Variants in GABRG1 observed in about 807,000 individuals in gnomAD.
GABRG1 encodes the protein gamma-aminobutyric acid receptor subunit gamma-1.
GABRG1 carries 49 observed loss-of-function variants against 49.8 expected under a neutral mutation model. The observed-to-expected ratio is 0.98, with a 90% CI of 0.78 to 1.25. The LOEUF is 1.25. Ranked by LOEUF, GABRG1 falls within the 50% of genes most tolerant of loss-of-function variation. The probability of loss-of-function intolerance (pLI) is 0.00; values close to 1 mark genes in which losing one functional copy is unlikely to be tolerated. For missense variants in GABRG1, 552 were observed against 552.3 expected (o/e 1.00, Z 0.01); for synonymous variants, 232 against 185.1 (o/e 1.25, Z -2.06).
At chr4:46,111,650 G>A (rs577658015) in intron 1 of GABRG1, among the ~76,000 whole-genome samples, 83 of 151,386 alleles carry the variant, frequency 5.5e-4, no homozygotes, top group African/African-American at 1.9e-3. Context: ...CAGACACATA[G>A]GCAAATGGAA....
At chr4:46,085,244 G>T (rs1434909899) in intron 2 of GABRG1, among the ~76,000 whole-genome samples, 1 of 151,394 alleles carries the variant, frequency 6.6e-6, no homozygotes, top group Non-Finnish European at 1.5e-5. Context: ...AATGTCAGAG[G>T]TTATAGATAT....
intron 2 of GABRG1, among the ~76,000 whole-genome samples, chr4:46,092,419 T>C (rs1335982411): frequency 6.6e-6 from 1 of 152,008 alleles, no homozygotes; most frequent in Non-Finnish European, 1.5e-5. Flanking sequence ...GTGCATATTT[T>C]ACTGACTAAA....
At chr4:46,090,162 C>T (rs778259087) in intron 2 of GABRG1, among the ~76,000 whole-genome samples, 29 of 151,982 alleles carry the variant, frequency 1.9e-4, no homozygotes, top group Non-Finnish European at 3.4e-4. Flanking sequence ...ACAAAAATTA[C>T]TTCAACAATT....
At position 46,037,007 on chromosome 4, in the gene GABRG1, G is replaced by A. The variant is rs1311954576; in HGVS notation, c.*3981C>T. ...CTTTTTTCAAGCTGTTTACCCAGTTGGAAATTGTGATCTCTCTCCCTCTTA... is the reference window on the plus strand; with the variant it reads ...CTTTTTTCAAGCTGTTTACCCAGTTAGAAATTGTGATCTCTCTCCCTCTTA... On this transcript the variant is annotated 3_prime_UTR_variant, in exon 9 of 9. Coordinates refer to ENST00000295452, the MANE Select transcript of GABRG1 (RefSeq NM_173536.4). The A allele has an allele frequency of 6.6e-6, 1 of 151,590 alleles. No individual in the cohort carries two copies. The highest frequency in any genetic ancestry group is 1.5e-5 in the Non-Finnish European group (1 of 67,818). The allele number at this position is 151,590 out of a possible 1,614,324, so 9.4% of individuals were successfully genotyped here.
At chr4:46,052,338 A>T (rs1441400796) in intron 7 of GABRG1, among the ~76,000 whole-genome samples, 1 of 151,930 alleles carries the variant, frequency 6.6e-6, no homozygotes, top group Admixed American at 6.6e-5. Context: ...TATACAGTCA[A>T]AATTAATCCA....
At chr4:46,071,849 TA>T (rs774891107) in intron 3 of GABRG1, among the ~76,000 whole-genome samples, 1 of 152,016 alleles carries the variant, frequency 6.6e-6, no homozygotes, top group African/African-American at 2.4e-5. Flanking sequence ...ATTTATAAAA[TA>T]AAAAATTCAG....
In GABRG1 at chr4:46,041,085, A is replaced by G; in HGVS notation, c.1301T>C (p.Ile434Thr). The change falls in exon 9 of 9, where the codon ATA becomes ACA. Residue 434 changes from isoleucine (I) to threonine (T), a missense_variant. Transcript: ENST00000295452. The stretch of plus-strand genomic sequence containing the variant: ...ATAAGAGTCAATTTTGGCAATGCGT[A>G]TGTGTATCCTTCCTTCCCTCCAAGA... ...TGSWREGRIH[I>T]RIAKIDSYSR... is the part of the protein sequence containing the mutation. The G allele has an allele frequency of 6.2e-7, 1 of 1,613,212 alleles. No individual in the cohort carries two copies.
chr4:46,051,704 T>C, intron 7 of GABRG1, 66 bp from the exon 8 acceptor site: 1 of 983,462 alleles, frequency 1.0e-6, no homozygotes, highest in Non-Finnish European at 1.5e-6. Flanking sequence ...TCCATCTGAT[T>C]TGGCAATATT....
At position 46,064,424 on chromosome 4, in the gene GABRG1, A is replaced by G. The variant is rs772367188; in HGVS notation, c.625+17T>C. On this transcript the variant is annotated intron_variant, in intron 5 of 8. Transcript: ENST00000295452. ...AGGTTAAAATTCTATGAAATTATCA[A>G]GTGTTTTGTTACTTACAGCTTGAAA... 2.3e-6 allele frequency: 3 copies of G among 1,332,250 alleles called. No individual in the cohort carries two copies. The highest frequency in any genetic ancestry group is 4.8e-5 in the Admixed American group (2 of 41,458). The allele number at this position is 1,332,250 out of a possible 1,614,324, so 82.5% of individuals were successfully genotyped here.
At chr4:46,046,870 A>C (rs1682717332) in intron 8 of GABRG1, among the ~76,000 whole-genome samples, 3 of 152,240 alleles carry the variant, frequency 2.0e-5, no homozygotes, top group Middle Eastern at 3.4e-3. Flanking sequence ...GAAATATACC[A>C]TCCTGCTTAA....
chr4:46,076,773 T>G (rs954656440), intron 3 of GABRG1, among the ~76,000 whole-genome samples: 11 of 151,744 alleles, frequency 7.2e-5, no homozygotes, highest in Non-Finnish European at 1.5e-4. Flanking sequence ...AATTCAAGAC[T>G]GTTTGCCTTG....
At chr4:46,074,280 C>T (rs1719245875) in intron 3 of GABRG1, among the ~76,000 whole-genome samples, 1 of 152,124 alleles carries the variant, frequency 6.6e-6, no homozygotes, top group African/African-American at 2.4e-5. Flanking sequence ...CAAGAGAGAA[C>T]ACTATATTTG....
chr4:46,082,376 C>T (rs1299848312), intron 3 of GABRG1, among the ~76,000 whole-genome samples: 1 of 151,580 alleles, frequency 6.6e-6, no homozygotes, highest in Admixed American at 6.6e-5. Flanking sequence ...ATCTCATCTT[C>T]TTCTAAGCCA....
rs770919258 is a variant in GABRG1, at chr4:46,065,510, C to A, written c.396G>T (p.Val132=). 4.3e-5 allele frequency: 69 copies of A among 1,604,556 alleles called. No individual in the cohort carries two copies. The highest frequency in any genetic ancestry group is 5.7e-5 in the Non-Finnish European group (67 of 1,171,794). ...CAACCATATTACTGTTAAGCATAAG[C>A]ACTTTCATGGTACTATTGAATTTTA... is the stretch of plus-strand genomic sequence containing the variant. ...SRLKFNSTMK[V]LMLNSNMVGK... The change falls in exon 4 of 9, where the codon GTG becomes GTT. Residue 132 remains valine, a synonymous_variant. Transcript: ENST00000295452.
Position 46,065,528 on chromosome 4 carries a change from G to A in GABRG1, c.378C>T (p.Phe126=), listed in dbSNP as rs865867398. The change falls in exon 4 of 9, where the codon TTC becomes TTT. Residue 126 remains phenylalanine (F), a synonymous_variant. Coordinates refer to ENST00000295452, the MANE Select transcript of GABRG1 (RefSeq NM_173536.4). The stretch of plus-strand genomic sequence containing the variant: ...GCATAAGCACTTTCATGGTACTATT[G>A]AATTTTAAACGACTGTCAAACCAGG... The part of the protein sequence containing the change: ...AQTWFDSRLK[F]NSTMKVLMLN... 6.3e-7 allele frequency: 1 copy of A among 1,579,690 alleles called. No homozygotes were observed.
rs1553884495 is a variant in GABRG1, at chr4:46,118,132, G to GTATATATATATATATATATATATA, written c.104+5677_104+5678insTATATATATATATATATATATATA. Among the ~76,000 whole-genome samples the GTATATATATATATATATATATATA allele has an allele frequency of 1.3e-4, 14 of 109,966 alleles. 1 individual carries two copies. Among genetic ancestry groups the GTATATATATATATATATATATATA allele is most frequent in the African/African-American group, 7.3e-4 (13 of 17,896 alleles). The allele number at this position is 109,966 out of a possible 152,430, so 72.1% of individuals were successfully genotyped here. A position where few individuals can be genotyped will look rare whatever the true frequency, so the allele number is the denominator to read the frequency against. ...TATATACATATATACGTGTGTGTGT[G>GTATATATATATATATATATATATA]TATATATATATATACAGCTACAGTA... On this transcript the variant is annotated intron_variant, in intron 1 of 8. Transcript: ENST00000295452.
At chr4:46,063,200 C>T (rs1394513898) in intron 5 of GABRG1, among the ~76,000 whole-genome samples, 10 of 152,024 alleles carry the variant, frequency 6.6e-5, no homozygotes, top group Non-Finnish European at 1.0e-4. Flanking sequence ...AAAAAAAGCC[C>T]GCATTGCCAA....
rs959469968 is a variant in GABRG1 at position 46,117,661 on chromosome 4, C to CGTATATAGCTGTATATATATACACAT, written c.104+6123_104+6148dup. Among the ~76,000 whole-genome samples the CGTATATAGCTGTATATATATACACAT allele has an allele frequency of 4.6e-5, 6 of 131,550 alleles. No individual in the cohort carries two copies. In the South Asian group the frequency reaches 1.4e-3, roughly 31 times the overall value. The allele number at this position is 131,550 out of a possible 152,430, so 86.3% of individuals were successfully genotyped here. A position where few individuals can be genotyped will look rare whatever the true frequency, so the allele number is the denominator to read the frequency against. ...ACATATATACATATATATGTATATA[C>CGTATATAGCTGTATATATATACACAT]GTATATAGCTGTATATATATACACA... On this transcript the variant is annotated intron_variant, in intron 1 of 8. Transcript: ENST00000295452.
chr4:46,064,380 T>G, intron 5 of GABRG1, 61 bp downstream of exon 5: 1 of 896,460 alleles, frequency 1.1e-6, no homozygotes. Flanking sequence ...TCTTTTCATT[T>G]TTAAATAAAC....
Sources: gnomAD v4.1 joint callset for allele counts (sites outside exome capture counted in the v4.1 genomes callset) on GRCh38, gnomAD v4.1.1 for gene constraint, MANE v1.5 for transcripts, NCBI Gene and HGNC (gene_info 2026-07-23, HGNC 2026-07-21) for gene names.